Variants in TRPM3 observed in about 807,000 individuals in gnomAD.
TRPM3 encodes the protein long transient receptor potential channel 3.
TRPM3 carries 77 observed loss-of-function variants against 181.2 expected under a neutral mutation model. That is an observed-to-expected ratio of 0.42 (90% CI 0.35 to 0.51). The LOEUF is 0.51. TRPM3 is among the 20% of genes least tolerant of loss of function. The probability of loss-of-function intolerance (pLI) is 0.01; values close to 1 mark genes in which losing one functional copy is unlikely to be tolerated. For missense variants in TRPM3, 1,759 were observed against 2,196.7 expected (o/e 0.80, Z 3.98); for synonymous variants, 745 against 796.4 (o/e 0.94, Z 1.09).
chr9:70,618,891 G>A lies in TRPM3; in HGVS notation c.2334C>T (p.Arg778=), dbSNP rs1204175220. 6.2e-7 allele frequency: 1 copy of A among 1,608,108 alleles called. No homozygotes were observed. The highest frequency in any genetic ancestry group is 8.5e-7 in the Non-Finnish European group (1 of 1,179,966). The part of the protein sequence containing the change: ...LLTDMWMGRL[R]MRKNSGLKVI... ...CCTTGAGGCCTGAGTTCTTGCGCATGCGGAGCCGGCCCATCCACATGTCGG... is the reference window on the plus strand; with the variant it reads ...CCTTGAGGCCTGAGTTCTTGCGCATACGGAGCCGGCCCATCCACATGTCGG... The change falls in exon 17 of 26, where the codon CGC becomes CGT. Residue 778 remains arginine (R), a synonymous_variant. Transcript: ENST00000677713.
intron 9 of TRPM3, among the ~76,000 whole-genome samples, chr9:70,657,701 G>C (rs1327021586): frequency 6.6e-6 from 1 of 152,064 alleles, no homozygotes; most frequent in Non-Finnish European, 1.5e-5. Flanking sequence ...CTTTGACATT[G>C]AGTTACAGGG....
At chr9:70,692,813 G>A (rs546845586) in intron 8 of TRPM3, among the ~76,000 whole-genome samples, 1 of 152,220 alleles carries the variant, frequency 6.6e-6, no homozygotes, top group African/African-American at 2.4e-5. Flanking sequence ...GCAGTGCAGT[G>A]CTGGCTTATA....
chr9:70,615,457 A>G (rs1176761954), intron 18 of TRPM3, among the ~76,000 whole-genome samples: 1 of 152,196 alleles, frequency 6.6e-6, no homozygotes, highest in East Asian at 1.9e-4. Context: ...TCAAAATTCA[A>G]TTAGTGCTGT....
intron 14 of TRPM3, among the ~76,000 whole-genome samples, chr9:70,624,781 C>T (rs10780954): frequency 0.47 from 70,966 of 151,950 alleles, 18,161 homozygotes; most frequent in Non-Finnish European, 0.57. Flanking sequence ...CTATTATGAA[C>T]TTATTCTTTG....
intron 8 of TRPM3, among the ~76,000 whole-genome samples, chr9:70,754,448 C>T (rs1256749078): frequency 1.3e-5 from 2 of 152,036 alleles, no homozygotes; most frequent in African/African-American, 2.4e-5. Context: ...TTAAAGGGGA[C>T]AGGTTTTGAG....
chr9:70,599,255 A>G (rs141170151), intron 20 of TRPM3, among the ~76,000 whole-genome samples: 189 of 152,290 alleles, frequency 1.2e-3, no homozygotes, highest in African/African-American at 4.4e-3. Flanking sequence ...AGCACAAATA[A>G]TGATCTTTAA....
intron 1 of TRPM3, among the ~76,000 whole-genome samples, chr9:71,030,234 C>T (rs1455160718): frequency 6.6e-6 from 1 of 152,044 alleles, no homozygotes; most frequent in East Asian, 1.9e-4. Flanking sequence ...AATATTTTGC[C>T]ATTGCAAATT....
intron 1 of TRPM3, among the ~76,000 whole-genome samples, chr9:71,414,426 G>GA (rs1347709846): frequency 2.0e-5 from 3 of 151,810 alleles, no homozygotes; most frequent in African/African-American, 7.3e-5. Context: ...TTTCACAAAG[G>GA]AAAAAATAGA....
intron 1 of TRPM3, among the ~76,000 whole-genome samples, chr9:71,020,599 G>T (rs567146377): frequency 3.3e-5 from 5 of 151,926 alleles, no homozygotes; most frequent in African/African-American, 1.2e-4. Context: ...AATATACAAA[G>T]AACTAGCTGG....
At chr9:71,034,696 A>G (rs2057968640) in intron 1 of TRPM3, among the ~76,000 whole-genome samples, 1 of 151,042 alleles carries the variant, frequency 6.6e-6, no homozygotes, top group Non-Finnish European at 1.5e-5. Flanking sequence ...GAAATCAGTC[A>G]TGGTGGGAGT....
intron 1 of TRPM3, among the ~76,000 whole-genome samples, chr9:71,119,441 T>A (rs1295798804): frequency 6.6e-6 from 1 of 151,354 alleles, no homozygotes; most frequent in Non-Finnish European, 1.5e-5. Context: ...ATGACAGAAC[T>A]CACTCTCCTA....
At chr9:71,209,752 G>C (rs1274363754) in intron 1 of TRPM3, among the ~76,000 whole-genome samples, 1 of 152,164 alleles carries the variant, frequency 6.6e-6, no homozygotes, top group Non-Finnish European at 1.5e-5. Flanking sequence ...ATCAAAAGAA[G>C]AATGTTTCAT....
intron 1 of TRPM3, among the ~76,000 whole-genome samples, chr9:71,064,685 T>C (rs1456755588): frequency 6.6e-6 from 1 of 152,136 alleles, no homozygotes; most frequent in Non-Finnish European, 1.5e-5. Flanking sequence ...TTTTAGAATT[T>C]AGACTGTTTG....
intron 3 of TRPM3, among the ~76,000 whole-genome samples, chr9:70,853,716 C>A (rs185996322): frequency 2.1e-4 from 32 of 152,156 alleles, no homozygotes; most frequent in African/African-American, 7.2e-4. Flanking sequence ...TAGAATCATG[C>A]AAGTAGCACA....
intron 1 of TRPM3, among the ~76,000 whole-genome samples, chr9:70,885,677 G>C (rs1416476414): frequency 2.6e-5 from 4 of 152,112 alleles, no homozygotes; most frequent in African/African-American, 9.7e-5. Flanking sequence ...GAAAACCTTA[G>C]CTCGCTTCCA....
chr9:71,203,177 A>G (rs1022197772), intron 1 of TRPM3, among the ~76,000 whole-genome samples: 1 of 152,184 alleles, frequency 6.6e-6, no homozygotes, highest in African/African-American at 2.4e-5. Context: ...GTTCCAGAAA[A>G]ACAGACATGC....
chr9:71,377,587 G>T (rs1014026176), intron 1 of TRPM3, among the ~76,000 whole-genome samples: 3 of 151,906 alleles, frequency 2.0e-5, no homozygotes, highest in Non-Finnish European at 4.4e-5. Context: ...TTATTCTCCA[G>T]GTGTGGCTAG....
At chr9:71,253,030 A>G (rs146031974) in intron 1 of TRPM3, among the ~76,000 whole-genome samples, 60 of 151,864 alleles carry the variant, frequency 4.0e-4, no homozygotes, top group African/African-American at 1.3e-3. Flanking sequence ...TTTCTGTCCA[A>G]ATTTGATTCA....
In TRPM3 at chr9:71,265,845, A is replaced by G. The variant is rs139400038; in HGVS notation, c.183+180808T>C. On this transcript the variant is annotated intron_variant, in intron 1 of 24. Transcript: ENST00000357533. ...CTAACCAGTGACTATTCTTTCTCTC[A>G]CCTCTTTTCCTCTCATATTTTAAGT... 3.3e-5 allele frequency among the ~76,000 whole-genome samples: 5 copies of G among 152,150 alleles called. No homozygotes were observed. The East Asian group carries it at 9.7e-4, about 29-fold the overall frequency.
Sources: allele counts gnomAD v4.1 joint callset (sites outside exome capture counted in the v4.1 genomes callset), GRCh38; gene constraint gnomAD v4.1.1; transcripts MANE v1.5; gene names NCBI Gene and HGNC (gene_info 2026-07-23, HGNC 2026-07-21).